The following KAZN variants were observed in gnomAD, a reference collection of about 807,000 sequenced individuals.
KAZN encodes kazrin, periplakin interacting protein.
Under a neutral mutation model 87.4 loss-of-function variants are expected in KAZN, and 40 were observed. The ratio of observed to expected loss-of-function variants is 0.46; its 90% CI spans 0.36 to 0.60. KAZN has a LOEUF of 0.60. Among genes scored for constraint, KAZN ranks in the 20% least tolerant of loss-of-function variants. KAZN has a pLI of 0.00. For missense variants in KAZN, 898 were observed against 1,073.9 expected, an observed-to-expected ratio of 0.84 and a Z score of 2.29; for synonymous variants, 466 against 458.3, an observed-to-expected ratio of 1.02 and a Z score of -0.22.
chr1:14,923,300 G>C lies in KAZN; in HGVS notation c.227-37384G>C, dbSNP rs185936305. Among the ~76,000 whole-genome samples the C allele has an allele frequency of 4.9e-4, 74 of 152,266 alleles. 1 individual carries two copies. Among genetic ancestry groups the C allele is most frequent in the Admixed American group, 5.9e-4 (9 of 15,296 alleles). ...ATAATTAGTCTTTCTAAACAGCATC[G>C]TAATCCCCAGATCAAAGGGGGCTCA... On this transcript the variant is annotated intron_variant, in intron 1 of 14. Coordinates refer to ENST00000376030, the MANE Select transcript of KAZN (RefSeq NM_201628.3). The surrounding 1 kb of genome is among the most constrained non-coding windows in gnomAD (Gnocchi z 4.2).
chr1:14,476,287 C>T (rs1305534008), intron 2 of KAZN, among the ~76,000 whole-genome samples: 3 of 152,158 alleles, frequency 2.0e-5, no homozygotes, highest in Non-Finnish European at 2.9e-5. Flanking sequence ...GATTTCTGTG[C>T]GTGATTCTGC....
intron 2 of KAZN, among the ~76,000 whole-genome samples, chr1:14,446,777 G>A (rs1208992946): frequency 2.0e-5 from 3 of 152,160 alleles, no homozygotes; most frequent in African/African-American, 7.2e-5. Context: ...AATTGCTGGT[G>A]CAGCAGCCTG....
intron 2 of KAZN, among the ~76,000 whole-genome samples, chr1:14,413,482 C>T (rs934276217): frequency 6.8e-6 from 1 of 148,084 alleles, no homozygotes; most frequent in African/African-American, 2.5e-5. Context: ...CCCAGTTACT[C>T]GGGAGGCTGA....
chr1:14,367,670 T>G (rs564144214), intron 2 of KAZN, among the ~76,000 whole-genome samples: 7 of 152,016 alleles, frequency 4.6e-5, no homozygotes, highest in South Asian at 4.2e-4. Context: ...ACCCCACCCC[T>G]TCTCTTCTTG....
At chr1:14,561,384 G>T (rs1674242425) in intron 2 of KAZN, among the ~76,000 whole-genome samples, 1 of 152,180 alleles carries the variant, frequency 6.6e-6, no homozygotes, top group South Asian at 2.1e-4. Context: ...ACAGACCCGA[G>T]ACTGGCGAAA....
chr1:14,825,126 G>T (rs147218345), intron 1 of KAZN, among the ~76,000 whole-genome samples: 1 of 152,334 alleles, frequency 6.6e-6, no homozygotes, highest in African/African-American at 2.4e-5. Flanking sequence ...TCAGAGTCTC[G>T]CAAAAGCTAG....
chr1:13,994,083 T>C (rs1409108117), intron 1 of KAZN, among the ~76,000 whole-genome samples: 1 of 152,222 alleles, frequency 6.6e-6, no homozygotes, highest in African/African-American at 2.4e-5. Flanking sequence ...TCTTAAGGAA[T>C]TTGGTTTCTA....
chr1:14,423,855 C>A (rs772192351), intron 2 of KAZN, among the ~76,000 whole-genome samples: 1 of 152,184 alleles, frequency 6.6e-6, no homozygotes, highest in Non-Finnish European at 1.5e-5. Flanking sequence ...AAGGCAGTCA[C>A]TAGAGACAAT....
intron 2 of KAZN, among the ~76,000 whole-genome samples, chr1:14,365,634 G>A (rs1385954573): frequency 6.6e-6 from 1 of 152,136 alleles, no homozygotes; most frequent in Non-Finnish European, 1.5e-5. Context: ...GTGCATTGCA[G>A]GATGTTTAGC....
rs377049677 is a variant in KAZN at position 14,724,859 on chromosome 1, G to A, written c.226+125636G>A. ...ACTCCCTTCTGCCCTTCCTCACTCTGGTTCATCAATTTTCACTTCCCCTGT... is the reference window on the plus strand; with the variant it reads ...ACTCCCTTCTGCCCTTCCTCACTCTAGTTCATCAATTTTCACTTCCCCTGT... On this transcript the variant is annotated intron_variant, in intron 1 of 14. Transcript: ENST00000376030. Among the ~76,000 whole-genome samples the A allele has an allele frequency of 3.3e-5, 5 of 152,120 alleles. No homozygotes were observed. The South Asian group carries it at 8.3e-4, about 25-fold the overall frequency.
intron 2 of KAZN, among the ~76,000 whole-genome samples, chr1:14,480,498 G>A (rs896261606): frequency 6.6e-6 from 1 of 150,438 alleles, no homozygotes; most frequent in Non-Finnish European, 1.5e-5. Flanking sequence ...GTTCTAAAAG[G>A]CCTTTACGTT....
At chr1:14,408,553 G>A (rs1272468266) in intron 2 of KAZN, among the ~76,000 whole-genome samples, 1 of 152,208 alleles carries the variant, frequency 6.6e-6, no homozygotes, top group Non-Finnish European at 1.5e-5. Flanking sequence ...TTCCTGGTGA[G>A]GGCCGTCTCC....
intron 1 of KAZN, among the ~76,000 whole-genome samples, chr1:14,062,064 G>A (rs1265329933): frequency 6.6e-6 from 1 of 152,152 alleles, no homozygotes; most frequent in Non-Finnish European, 1.5e-5. Context: ...GAAGCGTGGT[G>A]CACCCTGGAG....
At chr1:14,576,722 T>G (rs894044886) in intron 2 of KAZN, among the ~76,000 whole-genome samples, 1 of 152,172 alleles carries the variant, frequency 6.6e-6, no homozygotes, top group Non-Finnish European at 1.5e-5. Flanking sequence ...CCTCTCTAAA[T>G]AGGAACTTTA....
intron 2 of KAZN, among the ~76,000 whole-genome samples, chr1:14,977,962 C>T (rs919683342): frequency 7.0e-6 from 1 of 142,490 alleles, no homozygotes; most frequent in Non-Finnish European, 1.5e-5. Flanking sequence ...GGCACGATCT[C>T]GGCTCACTGC....
At chr1:14,407,179 G>A (rs920386345) in intron 2 of KAZN, among the ~76,000 whole-genome samples, 4 of 152,152 alleles carry the variant, frequency 2.6e-5, no homozygotes, top group African/African-American at 4.8e-5. Flanking sequence ...GTCATTCCTC[G>A]TTTTTGTATT....
chr1:15,077,514 C>T lies in KAZN; in HGVS notation c.1222+11761C>T, dbSNP rs931436089. Among the ~76,000 whole-genome samples the T allele has an allele frequency of 2.0e-5, 3 of 152,222 alleles. No individual in the cohort carries two copies. The highest frequency in any genetic ancestry group is 2.9e-5 in the Non-Finnish European group (2 of 68,034). ...AGGGGTCTTCGCTCAGCACTGCCCT[C>T]GGAGGCCTTGAGTCACTGCAGGAAT... On this transcript the variant is annotated intron_variant, in intron 8 of 14. Coordinates refer to ENST00000376030, the MANE Select transcript of KAZN (RefSeq NM_201628.3). The surrounding 1 kb of genome is among the most constrained non-coding windows in gnomAD (Gnocchi z 4.8).
At chr1:14,086,089 G>A (rs1334239542) in intron 1 of KAZN, among the ~76,000 whole-genome samples, 1 of 152,070 alleles carries the variant, frequency 6.6e-6, no homozygotes, top group African/African-American at 2.4e-5. Context: ...GCTCATATTT[G>A]TTGGATATTT....
At chr1:15,030,961 C>A (rs1029655941) in intron 2 of KAZN, among the ~76,000 whole-genome samples, 4 of 152,254 alleles carry the variant, frequency 2.6e-5, no homozygotes, top group Admixed American at 1.3e-4. Flanking sequence ...GCCTGCCTTC[C>A]ACCTGGGGAG....
Sources: allele counts gnomAD v4.1 joint callset (sites outside exome capture counted in the v4.1 genomes callset), GRCh38; gene constraint gnomAD v4.1.1; non-coding constraint Gnocchi (gnomAD v3.1); transcripts MANE v1.5; gene names NCBI Gene and HGNC (gene_info 2026-07-23, HGNC 2026-07-21).